Variants in NAV2 observed in about 807,000 individuals in gnomAD.
NAV2 encodes neuron navigator 2.
Under a neutral mutation model 223.2 loss-of-function variants are expected in NAV2, and 54 were observed. That is an observed-to-expected ratio of 0.24 (90% CI 0.19 to 0.30). The LOEUF (loss-of-function observed/expected upper bound fraction) is 0.30. NAV2 is among the 10% of genes least tolerant of loss of function. The probability of loss-of-function intolerance (pLI) is 1.00; values close to 1 mark genes in which losing one functional copy is unlikely to be tolerated. For synonymous variants in NAV2, 1,279 were observed against 1,239.3 expected, an observed-to-expected ratio of 1.03 and a Z score of -0.67; for missense variants, 2,806 against 3,147.5, an observed-to-expected ratio of 0.89 and a Z score of 2.60.
chr11:19,668,563 C>T (rs951438116), intron 1 of NAV2, among the ~76,000 whole-genome samples: 19 of 140,690 alleles, frequency 1.4e-4, no homozygotes, highest in Non-Finnish European at 2.8e-4. Context: ...AAAAGTAGCC[C>T]TACGTTCCAT....
chr11:19,549,251 G>A (rs147508889), intron 1 of NAV2, among the ~76,000 whole-genome samples: 5 of 152,318 alleles, frequency 3.3e-5, no homozygotes, highest in African/African-American at 1.2e-4. Context: ...GAGCAGCCCT[G>A]GGGCTCCTAC....
chr11:20,046,596 T>TCACACGCACA (rs1554924599), intron 14 of NAV2, among the ~76,000 whole-genome samples: 2 of 145,862 alleles, frequency 1.4e-5, no homozygotes, highest in African/African-American at 5.1e-5. Context: ...CCCCTCCCCA[T>TCACACGCACA]CACACACACA....
intron 3 of NAV2, among the ~76,000 whole-genome samples, chr11:19,847,411 C>T (rs991655283): frequency 6.6e-6 from 1 of 152,214 alleles, no homozygotes; most frequent in South Asian, 2.1e-4. Flanking sequence ...GACCTGGGGT[C>T]AGCTGAGCCT....
chr11:19,462,117 A>T (rs1448129193), intron 1 of NAV2, among the ~76,000 whole-genome samples: 1 of 152,140 alleles, frequency 6.6e-6, no homozygotes, highest in African/African-American at 2.4e-5. Flanking sequence ...CCGAAAAATA[A>T]ATTTCTTAAT....
At chr11:20,053,970 A>T in intron 17 of NAV2, 110 bp from the exon 18 acceptor site, 1 of 1,178,322 alleles carries the variant, frequency 8.5e-7, no homozygotes, top group Non-Finnish European at 1.2e-6. Context: ...TTTAAAAAAA[A>T]TCATCTTCGG....
chr11:20,014,321 C>T (rs899157690), intron 11 of NAV2, among the ~76,000 whole-genome samples: 13 of 152,090 alleles, frequency 8.5e-5, no homozygotes, highest in African/African-American at 3.1e-4. Context: ...TTCTTCATTC[C>T]CCATCCATCT....
rs373895431 is a variant in NAV2 at position 19,947,724 on chromosome 11, T to G, written c.2256-967T>G. ...TGGAAGACAGACTCTGCCAAGAGAT[T>G]GAGCTCATCCTTGGGCAGATTCTAG... On this transcript the variant is annotated intron_variant, in intron 9 of 37. Coordinates refer to ENST00000349880, the MANE Select transcript of NAV2 (RefSeq NM_145117.5). 2.8e-3 allele frequency among the ~76,000 whole-genome samples: 422 copies of G among 152,348 alleles called. 16 individuals carry two copies. The South Asian group carries it at 0.083, about 30-fold the overall frequency.
At chr11:19,801,416 C>A (rs1255367132) in intron 1 of NAV2, among the ~76,000 whole-genome samples, 1 of 152,210 alleles carries the variant, frequency 6.6e-6, no homozygotes, top group East Asian at 1.9e-4. Flanking sequence ...CTCTCCAAGC[C>A]CAGCATTGCT....
At chr11:19,904,103 A>C (rs141830968) in intron 6 of NAV2, among the ~76,000 whole-genome samples, 2,864 of 152,334 alleles carry the variant, frequency 0.019, 84 homozygotes, top group African/African-American at 0.059. Context: ...TGCTGCAAAA[A>C]GGTTATGCTA....
chr11:19,554,878 A>C (rs10833133), intron 1 of NAV2, among the ~76,000 whole-genome samples: 55,621 of 151,240 alleles, frequency 0.37, 12,278 homozygotes, highest in African/African-American at 0.62. Context: ...ACCCGGGAGG[A>C]GGAGGTTGCA....
At chr11:19,608,136 C>T (rs1278051060) in intron 1 of NAV2, among the ~76,000 whole-genome samples, 1 of 152,244 alleles carries the variant, frequency 6.6e-6, no homozygotes, top group East Asian at 1.9e-4. Context: ...TCTGCACCAC[C>T]ACGCTCTGCA....
intron 1 of NAV2, among the ~76,000 whole-genome samples, chr11:19,363,007 A>G (rs564539527): frequency 7.9e-5 from 12 of 152,292 alleles, no homozygotes; most frequent in African/African-American, 2.9e-4. Flanking sequence ...TATACTTTAA[A>G]TTCTGGGGTA....
At chr11:19,829,514 A>G (rs1177405067) in intron 1 of NAV2, among the ~76,000 whole-genome samples, 1 of 152,192 alleles carries the variant, frequency 6.6e-6, no homozygotes, top group Non-Finnish European at 1.5e-5. Flanking sequence ...TTTATTACTA[A>G]CTTTTATTTA....
intron 1 of NAV2, among the ~76,000 whole-genome samples, chr11:19,792,393 G>T (rs1182640661): frequency 6.6e-6 from 1 of 152,220 alleles, no homozygotes. Flanking sequence ...TTGGCTCCTC[G>T]TACCAAGCCT....
chr11:19,970,787 C>T (rs2049172463), intron 10 of NAV2, among the ~76,000 whole-genome samples: 1 of 152,160 alleles, frequency 6.6e-6, no homozygotes, highest in South Asian at 2.1e-4. Flanking sequence ...CTACTTTCTA[C>T]TTGTATTTTC....
intron 1 of NAV2, among the ~76,000 whole-genome samples, chr11:19,656,058 T>C (rs1229084468): frequency 6.6e-6 from 1 of 152,080 alleles, no homozygotes; most frequent in Non-Finnish European, 1.5e-5. Context: ...TTTCAGAACA[T>C]ATGACTTGAG....
intron 1 of NAV2, among the ~76,000 whole-genome samples, chr11:19,803,071 TC>T (rs2058359709): frequency 6.6e-6 from 1 of 152,184 alleles, no homozygotes; most frequent in African/African-American, 2.4e-5. Context: ...ATGTTTCTGC[TC>T]TTGTGCAAAA....
intron 11 of NAV2, among the ~76,000 whole-genome samples, chr11:20,007,848 G>T (rs933682521): frequency 1.3e-5 from 2 of 152,196 alleles, no homozygotes; most frequent in Non-Finnish European, 2.9e-5. Flanking sequence ...TACAGTAACT[G>T]CCTGCTATCC....
chr11:19,911,169 G>A (rs1373979552), intron 6 of NAV2, among the ~76,000 whole-genome samples: 1 of 151,824 alleles, frequency 6.6e-6, no homozygotes, highest in African/African-American at 2.4e-5. Flanking sequence ...GCCAGATGCT[G>A]TGCTTGGAAT....
Sources: allele counts gnomAD v4.1 joint callset (sites outside exome capture counted in the v4.1 genomes callset), GRCh38; gene constraint gnomAD v4.1.1; transcripts MANE v1.5; gene names NCBI Gene and HGNC (gene_info 2026-07-23, HGNC 2026-07-21).